MDGA2: variants seen among roughly 807,000 people sequenced by gnomAD.
MDGA2 encodes MAM domain-containing glycosylphosphatidylinositol anchor protein 2.
Under a neutral mutation model 117.8 loss-of-function variants are expected in MDGA2, and 40 were observed. The observed-to-expected ratio is 0.34, with a 90% CI of 0.26 to 0.44. The LOEUF (loss-of-function observed/expected upper bound fraction) is 0.44. Ranked by LOEUF, MDGA2 falls within the 20% of genes least tolerant of loss-of-function variation. The pLI, the probability that MDGA2 is intolerant of heterozygous loss-of-function variation, is 1.00. For missense variants in MDGA2, 1,123 were observed against 1,250.6 expected, an observed-to-expected ratio of 0.90 and a Z score of 1.54; for synonymous variants, 452 against 439.0, an observed-to-expected ratio of 1.03 and a Z score of -0.37.
chr14:46,911,058 C>A (rs149756992), intron 10 of MDGA2, among the ~76,000 whole-genome samples: 2 of 152,066 alleles, frequency 1.3e-5, no homozygotes, highest in African/African-American at 4.8e-5. Context: ...AGGATTAATA[C>A]CTGGGTGATG....
At chr14:46,865,441 A>C (rs1356556793) in intron 14 of MDGA2, among the ~76,000 whole-genome samples, 2 of 152,180 alleles carry the variant, frequency 1.3e-5, no homozygotes, top group African/African-American at 4.8e-5. Context: ...ATCATACTGA[A>C]TGGGCAAAAA....
chr14:46,861,482 T>A (rs976312134), intron 14 of MDGA2, among the ~76,000 whole-genome samples: 2 of 151,888 alleles, frequency 1.3e-5, no homozygotes, highest in African/African-American at 4.8e-5. Context: ...ATACATAATA[T>A]GTAAAAAAAT....
In MDGA2 at chr14:47,395,636, T is replaced by A. The variant is rs185190715; in HGVS notation, c.281-94086A>T. 9.8e-4 allele frequency among the ~76,000 whole-genome samples: 149 copies of A among 152,224 alleles called. 1 individual carries two copies. The Middle Eastern group carries it at 0.01, about 10-fold the overall frequency. ...ACTATAAGGCAATCAAAAATGTACA[T>A]GATGATTCCTAGAAAATAAACATGA... On this transcript the variant is annotated intron_variant, in intron 1 of 16. Transcript: ENST00000399232.
intron 7 of MDGA2, among the ~76,000 whole-genome samples, chr14:47,036,813 A>C (rs968058658): frequency 3.3e-5 from 5 of 152,258 alleles, no homozygotes; most frequent in African/African-American, 1.2e-4. Flanking sequence ...ATTCAAGTTC[A>C]AAGTGATATG....
intron 7 of MDGA2, among the ~76,000 whole-genome samples, chr14:47,060,714 C>T (rs1378320380): frequency 6.6e-6 from 1 of 152,014 alleles, no homozygotes; most frequent in Non-Finnish European, 1.5e-5. Context: ...TAACTATTTT[C>T]ATTATGAACA....
intron 10 of MDGA2, among the ~76,000 whole-genome samples, chr14:46,903,568 C>G (rs539955324): frequency 6.6e-6 from 1 of 152,256 alleles, no homozygotes; most frequent in Admixed American, 6.5e-5. Flanking sequence ...AGCATTTCCC[C>G]TCTTCATCTT....
chr14:47,314,447 G>A (rs1162710036), intron 1 of MDGA2, among the ~76,000 whole-genome samples: 1 of 152,104 alleles, frequency 6.6e-6, no homozygotes, highest in Non-Finnish European at 1.5e-5. Context: ...GGAAGCTGAG[G>A]CAGGAGGATA....
chr14:47,456,283 A>C (rs1893350589), intron 1 of MDGA2, among the ~76,000 whole-genome samples: 1 of 142,720 alleles, frequency 7.0e-6, no homozygotes, highest in Admixed American at 7.6e-5. Context: ...GTGAGCAAGA[A>C]AATTGTTTAC....
At chr14:47,424,987 G>C (rs1196114419) in intron 1 of MDGA2, among the ~76,000 whole-genome samples, 1 of 152,166 alleles carries the variant, frequency 6.6e-6, no homozygotes, top group Non-Finnish European at 1.5e-5. Flanking sequence ...ATGATGAAAA[G>C]GAAGGTAGAT....
rs1886268008 is a variant in MDGA2 at position 46,971,611 on chromosome 14, TTAGA to T, written c.1820-13972_1820-13969del. Among the ~76,000 whole-genome samples the T allele has an allele frequency of 5.3e-5, 8 of 152,150 alleles. 2 individuals are homozygous for T. The highest frequency in any genetic ancestry group is 2.4e-5 in the African/African-American group (1 of 41,528). On this transcript the variant is annotated intron_variant, in intron 8 of 16. Coordinates refer to ENST00000399232, the MANE Select transcript of MDGA2 (RefSeq NM_001113498.3). Reference sequence around the variant, plus strand: ...TTGATTAGTGGGTACAAATATACAGTTAGATAGAAGACATAAACCCCAATACTTG... The same window carrying T: ...TTGATTAGTGGGTACAAATATACAGTTAGAAGACATAAACCCCAATACTTG...
chr14:47,539,914 T>C (rs1895303017), intron 1 of MDGA2, among the ~76,000 whole-genome samples: 1 of 152,246 alleles, frequency 6.6e-6, no homozygotes, highest in Non-Finnish European at 1.5e-5. Context: ...TCAAGGTTCC[T>C]AGAACACACT....
intron 1 of MDGA2, among the ~76,000 whole-genome samples, chr14:47,421,885 A>T (rs1438816892): frequency 6.6e-6 from 1 of 152,168 alleles, no homozygotes; most frequent in East Asian, 1.9e-4. Flanking sequence ...GTGTTAGATC[A>T]TCTGCTAATT....
At chr14:47,215,397 A>G (rs1886048727) in intron 3 of MDGA2, among the ~76,000 whole-genome samples, 1 of 152,094 alleles carries the variant, frequency 6.6e-6, no homozygotes, top group Admixed American at 6.6e-5. Flanking sequence ...TGAATACACT[A>G]GTCATGTCTT....
chr14:47,316,565 AAAC>A (rs1262002961), intron 1 of MDGA2, among the ~76,000 whole-genome samples: 1 of 152,110 alleles, frequency 6.6e-6, no homozygotes, highest in Non-Finnish European at 1.5e-5. Flanking sequence ...TTAATATCAC[AAAC>A]AACTTAAATA....
At position 46,873,478 on chromosome 14, in the gene MDGA2, C is replaced by T. The variant is rs765774841; in HGVS notation, c.2707G>A (p.Ala903Thr). The change falls in exon 14 of 17, where the codon GCA becomes ACA. Residue 903 changes from alanine to threonine, a missense_variant. By Grantham distance (58) the Ala-to-Thr change is moderately conservative (BLOSUM62 0). Transcript: ENST00000399232. ...TGATAAAAGAAGCTGAAACAATATGCAGTGTTTGTGGGTCCATAAGGGTTT... is the reference window on the plus strand; with the variant it reads ...TGATAAAAGAAGCTGAAACAATATGTAGTGTTTGTGGGTCCATAAGGGTTT... Reference protein sequence around the residue: ...PKNPYGPTNTAYCFSFFYHMY... With the variant: ...PKNPYGPTNTTYCFSFFYHMY... 1 of 1,612,054 alleles carries T rather than the reference C, an allele frequency of 6.2e-7. No individual in the cohort carries two copies. Among genetic ancestry groups the T allele is most frequent in the African/African-American group, 1.3e-5 (1 of 74,718 alleles).
Position 46,957,363 on chromosome 14 carries a change from T to C in MDGA2, c.2089+11A>G. On this transcript the variant is annotated intron_variant, in intron 9 of 16. Coordinates refer to ENST00000399232, the MANE Select transcript of MDGA2 (RefSeq NM_001113498.3). ...ACAAAATGTATAAAAAGAAAATATC[T>C]GGAATCCTACCTGTAACAAGAAAGC... 6.2e-7 allele frequency: 1 copy of C among 1,608,238 alleles called. No individual in the cohort carries two copies. Among genetic ancestry groups the C allele is most frequent in the Non-Finnish European group, 8.5e-7 (1 of 1,177,280 alleles).
Position 46,873,935 on chromosome 14 carries a change from T to A in MDGA2, c.2593+110A>T, listed in dbSNP as rs372877716. 445 of 998,200 alleles carry A rather than the reference T, an allele frequency of 4.5e-4. 7 individuals carry two copies. In the South Asian group the frequency reaches 6.2e-3, roughly 14 times the overall value. The allele number at this position is 998,200 out of a possible 1,614,324, so 61.8% of individuals were successfully genotyped here. A position where few individuals can be genotyped will look rare whatever the true frequency, so the allele number is the denominator to read the frequency against. ...AATTGATACTGTACAGAAAATTTAA[T>A]ATTTTATTCCATAATCTTCAAATAT... On this transcript the variant is annotated intron_variant, in intron 13 of 16. Transcript: ENST00000399232.
At chr14:46,922,761 T>C (rs1261400687) in intron 9 of MDGA2, among the ~76,000 whole-genome samples, 1 of 152,210 alleles carries the variant, frequency 6.6e-6, no homozygotes, top group Non-Finnish European at 1.5e-5. Flanking sequence ...AAACTTATCC[T>C]AAAGTCATAA....
At chr14:47,610,848 GA>G (rs953107978) in intron 1 of MDGA2, among the ~76,000 whole-genome samples, 13 of 151,806 alleles carry the variant, frequency 8.6e-5, no homozygotes, top group East Asian at 1.9e-4. Flanking sequence ...CACAGAATTA[GA>G]AAAAAACTAT....
Sources: allele counts gnomAD v4.1 joint callset (sites outside exome capture counted in the v4.1 genomes callset), GRCh38; gene constraint gnomAD v4.1.1; transcripts MANE v1.5; gene names NCBI Gene and HGNC (gene_info 2026-07-23, HGNC 2026-07-21).